Variants in FIP1L1 observed in about 807,000 individuals in gnomAD.
FIP1L1 encodes pre-mRNA 3'-end-processing factor FIP1.
A neutral mutation model predicts 84.6 loss-of-function variants in FIP1L1; 21 were observed. The observed-to-expected ratio is 0.25, with a 90% CI of 0.18 to 0.36. The LOEUF (loss-of-function observed/expected upper bound fraction) is 0.36, where lower values mean the gene tolerates loss of function less well. Ranked by LOEUF, FIP1L1 falls within the 10% of genes least tolerant of loss-of-function variation. The pLI is 1.00. For synonymous variants in FIP1L1, 263 were observed against 242.3 expected (o/e 1.09, Z -0.80); for missense variants, 526 against 751.1 (o/e 0.70, Z 3.50).
intron 9 of FIP1L1, among the ~76,000 whole-genome samples, chr4:53,395,539 TA>T (rs1746759671): frequency 6.6e-6 from 1 of 152,170 alleles, no homozygotes; most frequent in Non-Finnish European, 1.5e-5. Context: ...TTATTGTGCT[TA>T]ATGGGAAAAT....
intron 5 of FIP1L1, 121 bp downstream of exon 5, chr4:53,383,997 G>T (rs1322583692): frequency 6.3e-6 from 6 of 956,282 alleles, no homozygotes; most frequent in South Asian, 2.0e-5. Flanking sequence ...TAACATAAAA[G>T]AACTTGTTAA....
intron 11 of FIP1L1, among the ~76,000 whole-genome samples, chr4:53,421,853 A>G (rs1054324352): frequency 5.3e-5 from 8 of 152,298 alleles, no homozygotes; most frequent in South Asian, 2.1e-4. Context: ...ATACATATCT[A>G]TTTATTTAGA....
At position 53,459,907 on chromosome 4, in the gene FIP1L1, T is replaced by TATTA. The variant is rs1283893785; in HGVS notation, c.*460_*463dup. The stretch of plus-strand genomic sequence containing the variant: ...ACTGCTGTGACACTCTTGCTTAGTA[T>TATTA]ATTAAGAGACTCATACATTTTTGAT... On this transcript the variant is annotated 3_prime_UTR_variant, in exon 18 of 18. Coordinates refer to ENST00000337488, the MANE Select transcript of FIP1L1 (RefSeq NM_030917.4). 4.5e-6 allele frequency: 1 copy of TATTA among 223,260 alleles called. No homozygotes were observed. The highest frequency in any genetic ancestry group is 6.6e-5 in the East Asian group (1 of 15,252). The allele number at this position is 223,260 out of a possible 1,614,324, so 13.8% of individuals were successfully genotyped here.
In FIP1L1 at chr4:53,459,166, ATTATAT is replaced by A. The variant is rs1721101515; in HGVS notation, c.1638-131_1638-126del. ...TCACATAAAACTGATTATTCCTCACATTATATTTATGAGAAAATGCATTAGATTATT... is the reference window on the plus strand; with the variant it reads ...TCACATAAAACTGATTATTCCTCACATTATGAGAAAATGCATTAGATTATT... On this transcript the variant is annotated intron_variant, in intron 17 of 17. Coordinates refer to ENST00000337488, the MANE Select transcript of FIP1L1 (RefSeq NM_030917.4). 9 of 682,132 alleles carry A rather than the reference ATTATAT, an allele frequency of 1.3e-5. No homozygotes were observed. The Admixed American group carries it at 1.5e-4, about 11-fold the overall frequency. 42.3% of individuals were successfully genotyped at this position (682,132 alleles called of 1,614,324 possible). A position where few individuals can be genotyped will look rare whatever the true frequency, so the allele number is the denominator to read the frequency against.
intron 11 of FIP1L1, among the ~76,000 whole-genome samples, chr4:53,415,530 T>G (rs542427732): frequency 0.021 from 531 of 25,244 alleles, 3 homozygotes; most frequent in Admixed American, 0.046. Context: ...TTGTTTTTTG[T>G]TTTTTTTTTT....
intron 16 of FIP1L1, 100 bp downstream of exon 16, chr4:53,453,233 A>G (rs1452843952): frequency 1.5e-6 from 2 of 1,369,450 alleles, no homozygotes; most frequent in Non-Finnish European, 2.0e-6. Context: ...TGGAAAAGAG[A>G]TGCTCAGGGA....
At chr4:53,440,471 AG>A in intron 13 of FIP1L1, 2 of 635,276 alleles carry the variant, frequency 3.1e-6, no homozygotes, top group Admixed American at 5.9e-5. Flanking sequence ...TGAATAAGCC[AG>A]GATAATGAGG....
At chr4:53,410,138 A>G (rs1756394853) in intron 10 of FIP1L1, among the ~76,000 whole-genome samples, 1 of 152,194 alleles carries the variant, frequency 6.6e-6, no homozygotes, top group Non-Finnish European at 1.5e-5. Context: ...CCTTGGCTCC[A>G]TCCTTAAAAT....
chr4:53,392,296 T>G (rs1232523526), intron 9 of FIP1L1, among the ~76,000 whole-genome samples: 1 of 152,260 alleles, frequency 6.6e-6, no homozygotes, highest in African/African-American at 2.4e-5. Context: ...GGAACTTTAG[T>G]GGACTGGAAA....
chr4:53,411,620 A>G (rs1315428776), intron 10 of FIP1L1, among the ~76,000 whole-genome samples: 4 of 152,204 alleles, frequency 2.6e-5, no homozygotes, highest in African/African-American at 9.6e-5. Context: ...GTTTAAGACT[A>G]ATGAGCTGTG....
chr4:53,430,295 A>G (rs1176560701), intron 13 of FIP1L1, among the ~76,000 whole-genome samples: 1 of 151,762 alleles, frequency 6.6e-6, no homozygotes, highest in Non-Finnish European at 1.5e-5. Context: ...ACACATAGGC[A>G]GTAGCATTAT....
chr4:53,420,220 A>AC, intron 11 of FIP1L1, among the ~76,000 whole-genome samples: 3 of 147,878 alleles, frequency 2.0e-5, no homozygotes, highest in African/African-American at 5.0e-5. Flanking sequence ...AAAAAAAAAA[A>AC]AAAAACCAGC....
Position 53,383,796 on chromosome 4 carries a change from T to A in FIP1L1, c.252T>A (p.Asp84Glu), listed in dbSNP as rs1344114031. ...PKPKVTETED[D>E]SDSDSDDDED... Reference sequence around the variant, plus strand: ...AGAAAGTGACTGAGACCGAAGATGATAGTGATAGTGACAGCGATGATGATG... The same window carrying A: ...AGAAAGTGACTGAGACCGAAGATGAAAGTGATAGTGACAGCGATGATGATG... Residue 84 changes from aspartate (D) to glutamate (E), a missense_variant, in exon 5 of 18, where the codon GAT (aspartate) becomes GAA (glutamate). By Grantham distance (45) the Asp-to-Glu change is conservative. Around this residue, in one of 6 missense-constraint regions of FIP1L1, gnomAD observed 100 missense variants for 107.2 expected, o/e 0.93. Transcript: ENST00000337488. 2 of 1,610,880 alleles carry A rather than the reference T, an allele frequency of 1.2e-6. No individual in the cohort carries two copies. Among genetic ancestry groups the A allele is most frequent in the Non-Finnish European group, 1.7e-6 (2 of 1,177,336 alleles).
At chr4:53,386,738 T>C (rs558797656) in intron 5 of FIP1L1, among the ~76,000 whole-genome samples, 1 of 152,320 alleles carries the variant, frequency 6.6e-6, no homozygotes, top group South Asian at 2.1e-4. Context: ...TTGAAATCAC[T>C]TATGGAAGGA....
At chr4:53,412,879 T>C (rs1757815048) in intron 10 of FIP1L1, among the ~76,000 whole-genome samples, 1 of 152,104 alleles carries the variant, frequency 6.6e-6, no homozygotes, top group African/African-American at 2.4e-5. Context: ...CTGTAATGGC[T>C]GCAAAATAGT....
chr4:53,419,898 AG>A (rs1240404312), intron 11 of FIP1L1, among the ~76,000 whole-genome samples: 1 of 151,968 alleles, frequency 6.6e-6, no homozygotes, highest in Non-Finnish European at 1.5e-5. Context: ...GGATCACCTG[AG>A]GTCGGGAGTT....
At chr4:53,393,552 A>G (rs1430912006) in intron 9 of FIP1L1, among the ~76,000 whole-genome samples, 3 of 147,654 alleles carry the variant, frequency 2.0e-5, no homozygotes, top group Non-Finnish European at 4.4e-5. Flanking sequence ...AGTTTTTTTA[A>G]AAAGCAAAAT....
chr4:53,413,922 G>A (rs968713832), intron 10 of FIP1L1, among the ~76,000 whole-genome samples: 4 of 151,940 alleles, frequency 2.6e-5, no homozygotes, highest in African/African-American at 7.2e-5. Flanking sequence ...ATTTCATTTC[G>A]TTTCTGGTTT....
intron 5 of FIP1L1, among the ~76,000 whole-genome samples, chr4:53,389,560 G>A (rs1743026931): frequency 6.6e-6 from 1 of 152,000 alleles, no homozygotes; most frequent in African/African-American, 2.4e-5. Context: ...GCTCACTCTT[G>A]TAATCTCAGC....
Sources: gnomAD v4.1 joint callset for allele counts (sites outside exome capture counted in the v4.1 genomes callset) on GRCh38, gnomAD v4.1.1 for gene constraint, gnomAD v4.1.1 regional missense constraint, MANE v1.5 for transcripts, NCBI Gene and HGNC (gene_info 2026-07-23, HGNC 2026-07-21) for gene names.